Variants in BMP5 observed in about 807,000 individuals in gnomAD.
BMP5 encodes the protein bone morphogenetic protein 5.
BMP5 carries 23 observed loss-of-function variants against 46.6 expected under a neutral mutation model. The observed-to-expected ratio is 0.49, with a 90% CI of 0.35 to 0.70. The LOEUF is 0.70. BMP5 is among the 30% of genes least tolerant of loss of function. The pLI is 0.00. For synonymous variants in BMP5, 204 were observed against 191.9 expected, an observed-to-expected ratio of 1.06 and a Z score of -0.52; for missense variants, 545 against 565.6, an observed-to-expected ratio of 0.96 and a Z score of 0.37.
At chr6:55,781,184 T>C (rs1437854494) in intron 3 of BMP5, among the ~76,000 whole-genome samples, 1 of 152,130 alleles carries the variant, frequency 6.6e-6, no homozygotes, top group Admixed American at 6.5e-5. Flanking sequence ...TAGCAGTTGG[T>C]CTTATAGCCC....
At chr6:55,768,783 A>G (rs904040578) in intron 4 of BMP5, among the ~76,000 whole-genome samples, 11 of 151,958 alleles carry the variant, frequency 7.2e-5, no homozygotes, top group African/African-American at 2.7e-4. Context: ...GATTCTTCAT[A>G]CAGGCATATG....
At chr6:55,847,965 GA>G (rs1006915063) in intron 1 of BMP5, among the ~76,000 whole-genome samples, 3 of 151,798 alleles carry the variant, frequency 2.0e-5, no homozygotes, top group African/African-American at 7.3e-5. Context: ...TCCTTAAAAG[GA>G]TAATTAATTG....
chr6:55,844,265 G>A (rs1777042390), intron 1 of BMP5, among the ~76,000 whole-genome samples: 1 of 151,972 alleles, frequency 6.6e-6, no homozygotes, highest in South Asian at 2.1e-4. Flanking sequence ...TCTTTTAACT[G>A]TGCTGCTGTC....
At chr6:55,864,151 G>A (rs563930544) in intron 1 of BMP5, among the ~76,000 whole-genome samples, 182 of 152,156 alleles carry the variant, frequency 1.2e-3, no homozygotes, top group Non-Finnish European at 6.2e-4. Flanking sequence ...ATGGTGGTTC[G>A]AATATATCAA....
chr6:55,814,108 G>C (rs1207174691), intron 2 of BMP5, among the ~76,000 whole-genome samples: 1 of 151,776 alleles, frequency 6.6e-6, no homozygotes, highest in Non-Finnish European at 1.5e-5. Flanking sequence ...CTATTAAATT[G>C]GGTGGCATTT....
Position 55,755,670 on chromosome 6 carries a change from A to C in BMP5, c.1228T>G (p.Phe410Val). The C allele has an allele frequency of 6.2e-7, 1 of 1,612,188 alleles. No homozygotes were observed. The highest frequency in any genetic ancestry group is 1.1e-5 in the South Asian group (1 of 91,006). Residue 410 changes from phenylalanine (F) to valine (V), a missense_variant, in exon 7 of 7, where the codon TTT becomes GTT. Physicochemically the swap from Phe to Val is conservative, Grantham distance 50 (BLOSUM62 -1). Coordinates refer to ENST00000370830, the MANE Select transcript of BMP5 (RefSeq NM_021073.4). ...AIVQTLVHLM[F>V]PDHVPKPCCA... Reference sequence around the variant, plus strand: ...CAAGGCTTTGGTACGTGGTCAGGAAACATCAGATGAACCTGGGAAAGAAAA... The same window carrying C: ...CAAGGCTTTGGTACGTGGTCAGGAACCATCAGATGAACCTGGGAAAGAAAA...
At chr6:55,779,423 C>A (rs1775254778) in intron 3 of BMP5, among the ~76,000 whole-genome samples, 1 of 151,992 alleles carries the variant, frequency 6.6e-6, no homozygotes, top group African/African-American at 2.4e-5. Flanking sequence ...TATTATCTCC[C>A]ATCCACACAT....
intron 1 of BMP5, among the ~76,000 whole-genome samples, chr6:55,855,218 TA>T: frequency 6.6e-6 from 1 of 152,186 alleles, no homozygotes; most frequent in African/African-American, 2.4e-5. Flanking sequence ...AATTTTTATT[TA>T]TTTGTTTTTA....
rs1413318130 is a variant in BMP5 at position 55,875,216 on chromosome 6, G to T, written c.-351C>A. The T allele has an allele frequency of 1.3e-5, 3 of 227,412 alleles. No individual in the cohort carries two copies. The highest frequency in any genetic ancestry group is 2.6e-5 in the Non-Finnish European group (3 of 114,042). 14.1% of individuals were successfully genotyped at this position (227,412 alleles called of 1,614,324 possible). A position where few individuals can be genotyped will look rare whatever the true frequency, so the allele number is the denominator to read the frequency against. On this transcript the variant is annotated 5_prime_UTR_variant, in exon 1 of 7. Transcript: ENST00000370830. ...TGAATTTATGATAATCAGGCCTTTG[G>T]TATTTGAATTAGCAAAAGTTGATCT...
intron 1 of BMP5, among the ~76,000 whole-genome samples, chr6:55,828,321 G>A (rs561664802): frequency 3.3e-5 from 5 of 151,956 alleles, no homozygotes; most frequent in African/African-American, 1.2e-4. Context: ...CAGATAAGTA[G>A]TAGATTAATG....
chr6:55,858,525 C>A (rs1777453279), intron 1 of BMP5, among the ~76,000 whole-genome samples: 1 of 152,010 alleles, frequency 6.6e-6, no homozygotes, highest in Non-Finnish European at 1.5e-5. Flanking sequence ...AGAAGAAACA[C>A]AAATAAAAGA....
chr6:55,837,760 AT>A (rs1217127879), intron 1 of BMP5, among the ~76,000 whole-genome samples: 2 of 152,088 alleles, frequency 1.3e-5, no homozygotes, highest in Admixed American at 6.6e-5. Context: ...CATTCTTTCT[AT>A]TTTTTTGTAC....
intron 4 of BMP5, chr6:55,772,954 C>A (rs1775082017): frequency 8.2e-6 from 8 of 978,512 alleles, no homozygotes; most frequent in Non-Finnish European, 8.5e-6. Context: ...TCATCTATTT[C>A]TTATCTAAAC....
At chr6:55,856,081 C>T (rs1158420408) in intron 1 of BMP5, among the ~76,000 whole-genome samples, 1 of 152,158 alleles carries the variant, frequency 6.6e-6, no homozygotes, top group Non-Finnish European at 1.5e-5. Context: ...AAATACTAAT[C>T]TGTTCCTATA....
intron 3 of BMP5, among the ~76,000 whole-genome samples, chr6:55,786,243 T>A (rs1478186003): frequency 6.6e-6 from 1 of 151,802 alleles, no homozygotes; most frequent in African/African-American, 2.4e-5. Flanking sequence ...TAGTGTTTTT[T>A]TATACATGAA....
At chr6:55,773,828 G>A (rs1164348883) in intron 4 of BMP5, among the ~76,000 whole-genome samples, 1 of 151,798 alleles carries the variant, frequency 6.6e-6, no homozygotes, top group African/African-American at 2.4e-5. Flanking sequence ...ACTTTAATTT[G>A]AACTGAATCT....
intron 1 of BMP5, among the ~76,000 whole-genome samples, chr6:55,828,793 G>T (rs1384392548): frequency 6.6e-6 from 1 of 151,696 alleles, no homozygotes; most frequent in African/African-American, 2.4e-5. Context: ...ATAGTTTAAA[G>T]GATATGAGGA....
At chr6:55,861,404 A>G (rs1302685854) in intron 1 of BMP5, among the ~76,000 whole-genome samples, 1 of 152,212 alleles carries the variant, frequency 6.6e-6, no homozygotes, top group Non-Finnish European at 1.5e-5. Flanking sequence ...TTTAAGGCCT[A>G]TTACTATTTG....
At chr6:55,844,395 A>C (rs1490583571) in intron 1 of BMP5, among the ~76,000 whole-genome samples, 1 of 152,060 alleles carries the variant, frequency 6.6e-6, no homozygotes, top group East Asian at 1.9e-4. Flanking sequence ...AAAAACTATC[A>C]ATGTAGGGAA....
Sources: gnomAD v4.1 joint callset for allele counts (sites outside exome capture counted in the v4.1 genomes callset) on GRCh38, gnomAD v4.1.1 for gene constraint, MANE v1.5 for transcripts, NCBI Gene and HGNC (gene_info 2026-07-23, HGNC 2026-07-21) for gene names.